LOXL2: variants seen among roughly 807,000 people sequenced by gnomAD.
LOXL2 encodes lysyl oxidase like 2, also known as lysyl oxidase homolog 2.
Under a neutral mutation model 93.0 loss-of-function variants are expected in LOXL2, and 70 were observed. That is an observed-to-expected ratio of 0.75 (90% CI 0.62 to 0.92). The LOEUF (loss-of-function observed/expected upper bound fraction) is 0.92. Among genes scored for constraint, LOXL2 ranks in the 40% least tolerant of loss-of-function variants. The pLI, the probability that LOXL2 is intolerant of heterozygous loss-of-function variation, is 0.00. For synonymous variants in LOXL2, 438 were observed against 413.2 expected (o/e 1.06, Z -0.73); for missense variants, 973 against 1,054.9 (o/e 0.92, Z 1.08).
intron 12 of LOXL2, among the ~76,000 whole-genome samples, chr8:23,300,143 G>A (rs926221420): frequency 6.6e-6 from 1 of 152,256 alleles, no homozygotes; most frequent in African/African-American, 2.4e-5. Flanking sequence ...GGCCGCCCAG[G>A]CGTCTCGACA....
chr8:23,318,314 C>T (rs1276029790), intron 8 of LOXL2, among the ~76,000 whole-genome samples: 1 of 152,106 alleles, frequency 6.6e-6, no homozygotes, highest in Non-Finnish European at 1.5e-5. Flanking sequence ...CTGCCAGCCC[C>T]ATAATTGGAT....
In LOXL2 at chr8:23,297,194, C is replaced by A. The variant is rs1306932525; in HGVS notation, c.*849G>T. On this transcript the variant is annotated 3_prime_UTR_variant, in exon 14 of 14. Coordinates refer to ENST00000389131, the MANE Select transcript of LOXL2 (RefSeq NM_002318.3). ...ACACAGACACGTTTCATAAATCTTT[C>A]TTTTATTCCAAGTTTCAAGTATGTG... is the stretch of plus-strand genomic sequence containing the variant. The A allele has an allele frequency of 6.6e-6, 1 of 152,016 alleles. No homozygotes were observed. The highest frequency in any genetic ancestry group is 2.4e-5 in the African/African-American group (1 of 41,268). The allele number at this position is 152,016 out of a possible 1,614,324, so 9.4% of individuals were successfully genotyped here.
At chr8:23,346,151 TA>T (rs1167050288) in intron 3 of LOXL2, among the ~76,000 whole-genome samples, 19,139 of 103,546 alleles carry the variant, frequency 0.18, 1,863 homozygotes, top group South Asian at 0.25. Context: ...ATAAATAAAA[TA>T]AAATAAAAAA....
intron 10 of LOXL2, among the ~76,000 whole-genome samples, chr8:23,305,136 G>A (rs1464760948): frequency 6.6e-6 from 1 of 152,184 alleles, no homozygotes; most frequent in African/African-American, 2.4e-5. Context: ...CATGAGGTCT[G>A]ACTCACTGCC....
Position 23,300,169 on chromosome 8 carries a change from C to T in LOXL2, c.2134-1222G>A, listed in dbSNP as rs190410672. 1.4e-3 allele frequency among the ~76,000 whole-genome samples: 218 copies of T among 152,306 alleles called. 2 individuals are homozygous for T. Among genetic ancestry groups the T allele is most frequent in the African/African-American group, 5.1e-3 (212 of 41,568 alleles). On this transcript the variant is annotated intron_variant, in intron 12 of 13. Transcript: ENST00000389131. ...CGTCTCGACAGTGCAGCCGTGAGGGCGGCTGGATGCAGCAAGGGCTCGTGT... is the reference window on the plus strand; with the variant it reads ...CGTCTCGACAGTGCAGCCGTGAGGGTGGCTGGATGCAGCAAGGGCTCGTGT...
Position 23,316,986 on chromosome 8 carries a change from GC to G in LOXL2, c.1598del (p.Gly533AlafsTer109). The G allele has an allele frequency of 6.2e-7, 1 of 1,613,640 alleles. No homozygotes were observed. Among genetic ancestry groups the G allele is most frequent in the Non-Finnish European group, 8.5e-7 (1 of 1,179,822 alleles). On this transcript the variant is annotated frameshift_variant, in exon 9 of 14. Coordinates refer to ENST00000389131, the MANE Select transcript of LOXL2 (RefSeq NM_002318.3). LOFTEE classifies it high-confidence loss of function. ...CAACTCCGGCCCCGTACTGCACTCC[GC>G]CCTGGGGGCAGGCCACGTCCTCCCC... Reference protein sequence around the residue: ...HDGEDVACPQGGVQYGAGVAC... With the variant: ...HDGEDVACPQXGVQYGAGVAC...
chr8:23,299,650 G>A (rs1206235203), intron 12 of LOXL2, among the ~76,000 whole-genome samples: 1 of 152,160 alleles, frequency 6.6e-6, no homozygotes, highest in Non-Finnish European at 1.5e-5. Flanking sequence ...GAGAAAGGGA[G>A]GGAGAGGGAG....
intron 3 of LOXL2, among the ~76,000 whole-genome samples, chr8:23,353,090 C>T (rs7828144): frequency 0.19 from 29,068 of 151,870 alleles, 3,648 homozygotes; most frequent in African/African-American, 0.36. Flanking sequence ...CCTGATCTAA[C>T]GACACACAGC....
chr8:23,327,791 C>T (rs537612436), intron 6 of LOXL2, among the ~76,000 whole-genome samples: 2 of 152,330 alleles, frequency 1.3e-5, no homozygotes, highest in East Asian at 1.9e-4. Context: ...AACGGACCCA[C>T]TTGAAAGCCT....
chr8:23,359,433 C>T (rs536570841), intron 3 of LOXL2, among the ~76,000 whole-genome samples: 199 of 152,282 alleles, frequency 1.3e-3, no homozygotes, highest in African/African-American at 4.5e-3. Flanking sequence ...GTCCTGAGGC[C>T]ACTCAGGCAG....
chr8:23,377,968 T>C (rs1254644219), intron 1 of LOXL2, among the ~76,000 whole-genome samples: 2 of 152,230 alleles, frequency 1.3e-5, no homozygotes, highest in African/African-American at 2.4e-5. Context: ...ACGTGTAAAT[T>C]TGATCCTGTC....
intron 10 of LOXL2, 125 bp downstream of exon 10, chr8:23,309,543 G>A (rs1803288491): frequency 8.7e-7 from 1 of 1,144,824 alleles, no homozygotes. Context: ...CCACTTAGGA[G>A]GATCCTATCC....
intron 1 of LOXL2, among the ~76,000 whole-genome samples, chr8:23,398,355 G>A (rs1800119886): frequency 6.6e-6 from 1 of 152,204 alleles, no homozygotes; most frequent in African/African-American, 2.4e-5. Context: ...GGCCAGCTGT[G>A]TCTGCTTGTC....
intron 3 of LOXL2, among the ~76,000 whole-genome samples, chr8:23,348,726 AT>A (rs1279834970): frequency 6.6e-6 from 1 of 152,012 alleles, no homozygotes; most frequent in African/African-American, 2.4e-5. Flanking sequence ...AAATACAAAA[AT>A]TTAGCTGGGC....
At chr8:23,300,270 A>C (rs1803108070) in intron 12 of LOXL2, among the ~76,000 whole-genome samples, 1 of 152,126 alleles carries the variant, frequency 6.6e-6, no homozygotes, top group South Asian at 2.1e-4. Context: ...GTTTCACCCC[A>C]CTCATCTACT....
intron 1 of LOXL2, among the ~76,000 whole-genome samples, chr8:23,389,971 G>A (rs1477629777): frequency 6.6e-6 from 1 of 152,164 alleles, no homozygotes; most frequent in Non-Finnish European, 1.5e-5. Context: ...CCCTGCCAAG[G>A]ACACTTGCTT....
Position 23,319,992 on chromosome 8 carries a change from TTCTC to T in LOXL2, c.1359_1362del (p.Arg454ThrfsTer52), listed in dbSNP as rs1803468833. The T allele has an allele frequency of 6.2e-7, 1 of 1,613,992 alleles. No homozygotes were observed. Among genetic ancestry groups the T allele is most frequent in the Non-Finnish European group, 8.5e-7 (1 of 1,179,980 alleles). On this transcript the variant is annotated frameshift_variant, in exon 8 of 14. Coordinates refer to ENST00000389131, the MANE Select transcript of LOXL2 (RefSeq NM_002318.3). LOFTEE classifies it high-confidence loss of function. ...ACCATCCCCCACACAAGGGACCCGTTTCTCTCCACCAGCACCTCCACTCGGCCCT... is the reference window on the plus strand; with the variant it reads ...ACCATCCCCCACACAAGGGACCCGTTTCCACCAGCACCTCCACTCGGCCCT...
Position 23,341,171 on chromosome 8 carries a change from A to G in LOXL2, c.564T>C (p.Ile188=), listed in dbSNP as rs1803877199. The change falls in exon 4 of 14, where the codon ATT becomes ATC. Residue 188 remains isoleucine (I), a synonymous_variant. Transcript: ENST00000389131. Reference sequence around the variant, plus strand: ...TGCGGTAGGTTGAGAGGATGGCTCGAATCCGAATGTCCTCCACCTGGATAT... The same window carrying G: ...TGCGGTAGGTTGAGAGGATGGCTCGGATCCGAATGTCCTCCACCTGGATAT... The part of the protein sequence containing the change: ...NLNIQVEDIR[I]RAILSTYRKR... 1 of 1,613,446 alleles carries G rather than the reference A, an allele frequency of 6.2e-7. No homozygotes were observed. Among genetic ancestry groups the G allele is most frequent in the Admixed American group, 1.7e-5 (1 of 59,992 alleles).
intron 10 of LOXL2, among the ~76,000 whole-genome samples, chr8:23,304,936 CT>C (rs1373957730): frequency 6.6e-6 from 1 of 152,186 alleles, no homozygotes; most frequent in African/African-American, 2.4e-5. Flanking sequence ...TCCCTTCCTC[CT>C]GCATTTGCCT....
Sources: allele counts gnomAD v4.1 joint callset (sites outside exome capture counted in the v4.1 genomes callset), GRCh38; gene constraint gnomAD v4.1.1; transcripts MANE v1.5; gene names NCBI Gene and HGNC (gene_info 2026-07-23, HGNC 2026-07-21).